Variants in PCCA observed in about 807,000 individuals in gnomAD.
PCCA encodes propionyl-CoA carboxylase alpha chain, mitochondrial.
PCCA carries 74 observed loss-of-function variants against 101.3 expected under a neutral mutation model. The ratio of observed to expected loss-of-function variants is 0.73; its 90% CI spans 0.61 to 0.89. The LOEUF (loss-of-function observed/expected upper bound fraction) is 0.89. PCCA is among the 40% of genes least tolerant of loss of function. The probability of loss-of-function intolerance (pLI) is 0.00; values close to 1 mark genes in which losing one functional copy is unlikely to be tolerated. For synonymous variants in PCCA, 294 were observed against 313.6 expected, an observed-to-expected ratio of 0.94 and a Z score of 0.66; for missense variants, 891 against 907.0, an observed-to-expected ratio of 0.98 and a Z score of 0.23.
chr13:100,229,030 A>T (rs2060317005), intron 7 of PCCA, among the ~76,000 whole-genome samples: 1 of 152,104 alleles, frequency 6.6e-6, no homozygotes, highest in Non-Finnish European at 1.5e-5. Flanking sequence ...TTATAACTTA[A>T]ACTTGTGGCT....
chr13:100,368,712 G>C (rs979116809), intron 19 of PCCA, 138 bp downstream of exon 19: 1 of 643,096 alleles, frequency 1.6e-6, no homozygotes, highest in African/African-American at 1.9e-5. Flanking sequence ...TTAGGAAGCT[G>C]AATGGAAATG....
chr13:100,333,070 T>C (rs1337992467), intron 17 of PCCA, among the ~76,000 whole-genome samples: 1 of 152,236 alleles, frequency 6.6e-6, no homozygotes, highest in Non-Finnish European at 1.5e-5. Context: ...CTAAATACTT[T>C]AGAAACACAC....
At chr13:100,116,941 A>G (rs2048852969) in intron 4 of PCCA, among the ~76,000 whole-genome samples, 1 of 152,180 alleles carries the variant, frequency 6.6e-6, no homozygotes, top group African/African-American at 2.4e-5. Flanking sequence ...CCCTTGGATC[A>G]GATTTGGCCA....
At chr13:100,203,060 C>G (rs1055998042) in intron 6 of PCCA, among the ~76,000 whole-genome samples, 1 of 151,742 alleles carries the variant, frequency 6.6e-6, no homozygotes, top group Non-Finnish European at 1.5e-5. Context: ...ATCACGAGAT[C>G]AGGAGTTCGA....
chr13:100,177,588 G>A (rs2056355172), intron 6 of PCCA, among the ~76,000 whole-genome samples: 1 of 152,134 alleles, frequency 6.6e-6, no homozygotes, highest in African/African-American at 2.4e-5. Context: ...CCTGTGTTGA[G>A]AAGGGAGTAT....
At chr13:100,283,387 A>G (rs2064297758) in intron 12 of PCCA, among the ~76,000 whole-genome samples, 1 of 152,200 alleles carries the variant, frequency 6.6e-6, no homozygotes, top group Admixed American at 6.5e-5. Flanking sequence ...GTATTCTAGA[A>G]GGACTAAGGA....
chr13:100,203,703 A>G lies in PCCA; in HGVS notation c.469-5629A>G, dbSNP rs183895669. Among the ~76,000 whole-genome samples the G allele has an allele frequency of 2.0e-4, 31 of 152,232 alleles. No individual in the cohort carries two copies. In the South Asian group the frequency reaches 3.5e-3, roughly 17 times the overall value. ...ATCAAGACAAAAAACAAAAAAAATT[A>G]TGTTGGATTTTACCTTGATATTTTA... On this transcript the variant is annotated intron_variant, in intron 6 of 23. Coordinates refer to ENST00000376285, the MANE Select transcript of PCCA (RefSeq NM_000282.4).
chr13:100,246,902 G>GTTT (rs34860703), intron 8 of PCCA, among the ~76,000 whole-genome samples: 1 of 134,936 alleles, frequency 7.4e-6, no homozygotes, highest in Non-Finnish European at 1.6e-5. Flanking sequence ...CTTCTAGTGA[G>GTTT]TTTTTTTTTT....
chr13:100,347,880 T>C (rs569968566), intron 18 of PCCA, among the ~76,000 whole-genome samples: 130 of 152,342 alleles, frequency 8.5e-4, no homozygotes, highest in African/African-American at 2.9e-3. Context: ...TATCAGTTTA[T>C]TGTAAAATTG....
chr13:100,190,437 T>G (rs1403767264), intron 6 of PCCA, among the ~76,000 whole-genome samples: 8 of 151,240 alleles, frequency 5.3e-5, no homozygotes, highest in Non-Finnish European at 1.2e-4. Context: ...AATCCCAGCA[T>G]TTTGGGAGGC....
chr13:100,475,283 C>A (rs891441200), intron 21 of PCCA, among the ~76,000 whole-genome samples: 4 of 152,106 alleles, frequency 2.6e-5, no homozygotes, highest in African/African-American at 7.2e-5. Context: ...ATTTTCATCA[C>A]CCCAAAAAGA....
intron 17 of PCCA, among the ~76,000 whole-genome samples, chr13:100,338,749 G>T (rs1030028054): frequency 6.7e-6 from 1 of 149,266 alleles, no homozygotes; most frequent in Non-Finnish European, 1.5e-5. Flanking sequence ...TCCCATATTT[G>T]TATTATGTTT....
intron 21 of PCCA, chr13:100,491,733 G>A (rs114892131): frequency 5.4e-6 from 7 of 1,297,454 alleles, no homozygotes; most frequent in Non-Finnish European, 7.1e-6. Flanking sequence ...GGAGGCCTGG[G>A]ATTGAAAGCT....
intron 18 of PCCA, among the ~76,000 whole-genome samples, chr13:100,357,147 C>A (rs994483676): frequency 6.6e-6 from 1 of 152,138 alleles, no homozygotes; most frequent in Admixed American, 6.6e-5. Flanking sequence ...TGTGACTATA[C>A]TAAAAACCAT....
rs190424673 is a variant in PCCA, at chr13:100,089,362, T to C, written c.105+137T>C. ...CCGGTTCCGCATCAGCTACACCGCT[T>C]GCTTTCCTCCCTCCCGGAGTTCGCG... On this transcript the variant is annotated intron_variant, in intron 1 of 23. Coordinates refer to ENST00000376285, the MANE Select transcript of PCCA (RefSeq NM_000282.4). 471 of 1,179,008 alleles carry C rather than the reference T, an allele frequency of 4.0e-4. 1 individual carries two copies. Among genetic ancestry groups the C allele is most frequent in the Admixed American group, 2.6e-3 (63 of 24,292 alleles). The allele number at this position is 1,179,008 out of a possible 1,614,324, so 73.0% of individuals were successfully genotyped here. A position where few individuals can be genotyped will look rare whatever the true frequency, so the allele number is the denominator to read the frequency against.
chr13:100,188,001 G>A (rs948838660), intron 6 of PCCA, among the ~76,000 whole-genome samples: 6 of 151,748 alleles, frequency 4.0e-5, no homozygotes, highest in East Asian at 1.9e-4. Flanking sequence ...AACATACGAT[G>A]TTTGGTTTTC....
chr13:100,517,008 G>A (rs866918014), intron 22 of PCCA, among the ~76,000 whole-genome samples: 1 of 138,706 alleles, frequency 7.2e-6, no homozygotes, highest in South Asian at 2.3e-4. Flanking sequence ...GCCAGCCTGA[G>A]CTTTCCACTC....
chr13:100,530,358 T>C lies in PCCA; in HGVS notation c.*192T>C. ...GGAAATTTTCATTGATATAAATACT[T>C]GTACATATGATTTGTACTTCTGCTG... On this transcript the variant is annotated 3_prime_UTR_variant, in exon 24 of 24. Coordinates refer to ENST00000376285, the MANE Select transcript of PCCA (RefSeq NM_000282.4). The C allele has an allele frequency of 1.6e-6, 1 of 640,896 alleles. No homozygotes were observed. The highest frequency in any genetic ancestry group is 2.7e-5 in the East Asian group (1 of 36,486). The allele number at this position is 640,896 out of a possible 1,614,324, so 39.7% of individuals were successfully genotyped here.
Position 100,197,879 on chromosome 13 carries a change from C to T in PCCA, c.469-11453C>T, listed in dbSNP as rs182050369. Among the ~76,000 whole-genome samples, 105 of 152,314 alleles carry T rather than the reference C, an allele frequency of 6.9e-4. 1 individual carries two copies. The South Asian group carries it at 0.013, about 19-fold the overall frequency. ...CCAGATACTAACATGCCCCAGATTT[C>T]ATCCTGGTGCTAAACTGACTTGTTT... On this transcript the variant is annotated intron_variant, in intron 6 of 23. Transcript: ENST00000376285.
Sources: allele counts gnomAD v4.1 joint callset (sites outside exome capture counted in the v4.1 genomes callset), GRCh38; gene constraint gnomAD v4.1.1; transcripts MANE v1.5; gene names NCBI Gene and HGNC (gene_info 2026-07-23, HGNC 2026-07-21).